DCHS2: variants seen among roughly 807,000 people sequenced by gnomAD.
DCHS2 encodes the protein dachsous cadherin-related 2.
In DCHS2, 142 loss-of-function variants were observed where a neutral mutation model predicts 182.4. The ratio of observed to expected loss-of-function variants is 0.78; its 90% CI spans 0.68 to 0.89. The LOEUF is 0.89. Among genes scored for constraint, DCHS2 ranks in the 40% least tolerant of loss-of-function variants. DCHS2 has a pLI of 0.00. For synonymous variants in DCHS2, 1,740 were observed against 1,663.3 expected (o/e 1.05, Z -1.12); for missense variants, 4,319 against 4,198.6 (o/e 1.03, Z -0.79).
intron 9 of DCHS2, among the ~76,000 whole-genome samples, chr4:154,318,455 T>C (rs1009474751): frequency 6.6e-6 from 1 of 151,918 alleles, no homozygotes; most frequent in Non-Finnish European, 1.5e-5. Flanking sequence ...GATTACATGA[T>C]CTTATATATA....
rs1057406931 is a variant in DCHS2 at position 154,329,663 on chromosome 4, G to A, written c.3778C>T (p.His1260Tyr). The A allele has an allele frequency of 6.2e-7, 1 of 1,612,066 alleles. No homozygotes were observed. The highest frequency in any genetic ancestry group is 1.3e-5 in the African/African-American group (1 of 74,840). ...TCTGTCACTAGCACAGTCATCTCAT[G>A]GTGCCCCCGGTGCTCACGATCCAGT... ...VALDREHRGHHEMTVLVTDRG... is the reference protein window; with the variant it reads ...VALDREHRGHYEMTVLVTDRG... Residue 1260 changes from histidine (H) to tyrosine (Y), a missense_variant, in exon 6 of 20, where the codon CAT (histidine) becomes TAT (tyrosine). By Grantham distance (83) the His-to-Tyr change is moderately conservative. Coordinates refer to ENST00000357232, the MANE Select transcript of DCHS2 (RefSeq NM_001358235.2).
intron 1 of DCHS2, among the ~76,000 whole-genome samples, chr4:154,417,676 T>G (rs576874159): frequency 6.6e-6 from 1 of 152,342 alleles, no homozygotes; most frequent in East Asian, 1.9e-4. Flanking sequence ...TTTTCTTTGC[T>G]AAACTGAACA....
At position 154,304,804 on chromosome 4, in the gene DCHS2, C is replaced by A; in HGVS notation, c.5470G>T (p.Asp1824Tyr). 2 of 1,613,742 alleles carry A rather than the reference C, an allele frequency of 1.2e-6. No homozygotes were observed. Among genetic ancestry groups the A allele is most frequent in the South Asian group, 1.1e-5 (1 of 91,010 alleles). ...GAAACAATAAACTCTGGTGCGTGAT[C>A]GTTTTCATCTTCAACAGTGCAGAGG... is the stretch of plus-strand genomic sequence containing the variant. ...TILCTVEDEN[D>Y]HAPEFIVSSY... The change falls in exon 12 of 20, where the codon GAT (aspartate) becomes TAT (tyrosine). Residue 1824 changes from aspartate (D) to tyrosine (Y), a missense_variant. Coordinates refer to ENST00000357232, the MANE Select transcript of DCHS2 (RefSeq NM_001358235.2).
At chr4:154,342,662 G>A (rs1353359777) in intron 3 of DCHS2, among the ~76,000 whole-genome samples, 3 of 152,148 alleles carry the variant, frequency 2.0e-5, no homozygotes, top group Non-Finnish European at 4.4e-5. Context: ...TCATGAGATT[G>A]CAGCAATTCT....
chr4:154,365,479 T>G (rs2110768585), intron 3 of DCHS2, among the ~76,000 whole-genome samples: 1 of 151,390 alleles, frequency 6.6e-6, no homozygotes, highest in East Asian at 1.9e-4. Context: ...ACTTTTTTGT[T>G]TTTTTTTTGG....
rs1331208067 is a variant in DCHS2 at position 154,421,082 on chromosome 4, A to T, written c.2053-43638T>A. Reference sequence around the variant, plus strand: ...ACACAATTCAGCAATTTTTGTTGACATAGATGCTATGATAGGTATTATCTA... The same window carrying T: ...ACACAATTCAGCAATTTTTGTTGACTTAGATGCTATGATAGGTATTATCTA... On this transcript the variant is annotated intron_variant, in intron 1 of 19. Transcript: ENST00000357232. Among the ~76,000 whole-genome samples, 3 of 152,326 alleles carry T rather than the reference A, an allele frequency of 2.0e-5. No individual in the cohort carries two copies. In the South Asian group the frequency reaches 6.2e-4, roughly 32 times the overall value.
intron 14 of DCHS2, among the ~76,000 whole-genome samples, chr4:154,268,236 C>CG (rs199558561): frequency 3.1e-5 from 4 of 130,282 alleles, no homozygotes; most frequent in African/African-American, 1.2e-4. Context: ...ACTTTCCCCC[C>CG]CCCAAAAAAA....
At chr4:154,405,127 G>C (rs1056831161) in intron 1 of DCHS2, among the ~76,000 whole-genome samples, 4 of 152,084 alleles carry the variant, frequency 2.6e-5, no homozygotes, top group African/African-American at 9.7e-5. Flanking sequence ...GCGGTCACCT[G>C]TAATCCCATC....
intron 12 of DCHS2, among the ~76,000 whole-genome samples, chr4:154,302,803 T>TATGAAATATATATATTTCATA (rs377026176): frequency 2.7e-4 from 21 of 76,672 alleles, no homozygotes; most frequent in African/African-American, 6.8e-4. Flanking sequence ...ATATATATAC[T>TATGAAATATATATATTTCATA]TATATATATT....
In DCHS2 at chr4:154,320,678, C is replaced by A. The variant is rs757472021; in HGVS notation, c.4721G>T (p.Arg1574Leu). 7 of 1,614,020 alleles carry A rather than the reference C, an allele frequency of 4.3e-6. No homozygotes were observed. Among genetic ancestry groups the A allele is most frequent in the Non-Finnish European group, 5.1e-6 (6 of 1,180,008 alleles). ...PSFGTLVTVS[R>L]LDRESIPTVI... ...AGTTGGAATGCTTTCTCTGTCAAGA[C>A]GGGACACAGTGACTAGTGTGCCAAA... Residue 1574 changes from arginine to leucine, a missense_variant, in exon 9 of 20, where the codon CGT becomes CTT. By Grantham distance (102) the Arg-to-Leu change is moderately radical (BLOSUM62 -2). Coordinates refer to ENST00000357232, the MANE Select transcript of DCHS2 (RefSeq NM_001358235.2).
chr4:154,418,709 T>C (rs1732973086), intron 1 of DCHS2, among the ~76,000 whole-genome samples: 1 of 152,194 alleles, frequency 6.6e-6, no homozygotes, highest in African/African-American at 2.4e-5. Flanking sequence ...ATGTCCTAGC[T>C]ATAATATAAA....
chr4:154,307,322 A>T (rs996044589), intron 10 of DCHS2, among the ~76,000 whole-genome samples: 4 of 152,180 alleles, frequency 2.6e-5, no homozygotes, highest in Non-Finnish European at 5.9e-5. Context: ...ATATTTAGTG[A>T]TATCCTTATG....
chr4:154,385,557 G>A lies in DCHS2; in HGVS notation c.2053-8113C>T, dbSNP rs147938868. Among the ~76,000 whole-genome samples the A allele has an allele frequency of 2.2e-3, 341 of 152,108 alleles. 3 individuals are homozygous for A. Among genetic ancestry groups the A allele is most frequent in the African/African-American group, 8.1e-3 (334 of 41,480 alleles). On this transcript the variant is annotated intron_variant, in intron 1 of 19. Coordinates refer to ENST00000357232, the MANE Select transcript of DCHS2 (RefSeq NM_001358235.2). ...GGCTGGAGTGCAGTAGCACAATCTCGGCTCACTGCAACCTCCGCCTCCTGG... is the reference window on the plus strand; with the variant it reads ...GGCTGGAGTGCAGTAGCACAATCTCAGCTCACTGCAACCTCCGCCTCCTGG...
rs184157019 is a variant in DCHS2, at chr4:154,327,145, T to C, written c.4018+948A>G. On this transcript the variant is annotated intron_variant, in intron 7 of 19. Coordinates refer to ENST00000357232, the MANE Select transcript of DCHS2 (RefSeq NM_001358235.2). ...AGAGACAGATCCTATCTGTGTTGTT[T>C]TGAAGTTTGTACAGTTTGAGAGGCA... is the stretch of plus-strand genomic sequence containing the variant. Among the ~76,000 whole-genome samples, 29 of 152,302 alleles carry C rather than the reference T, an allele frequency of 1.9e-4. 1 individual carries two copies. The East Asian group carries it at 5.6e-3, about 29-fold the overall frequency.
chr4:154,240,741 T>C lies in DCHS2; in HGVS notation c.7155A>G (p.Lys2385=). The change falls in exon 18 of 20, where the codon AAA becomes AAG. Residue 2385 remains lysine (K), a synonymous_variant. Coordinates refer to ENST00000357232, the MANE Select transcript of DCHS2 (RefSeq NM_001358235.2). The part of the protein sequence containing the change: ...LNSAFIFSFA[K]ESNPGTKFAI... ...CAAACTTGGTTCCAGGATTACTCTC[T>C]TTGGCAAAACTGAATATGAAAGCTG... The C allele has an allele frequency of 6.2e-7, 1 of 1,613,954 alleles. No homozygotes were observed. The highest frequency in any genetic ancestry group is 8.5e-7 in the Non-Finnish European group (1 of 1,179,908).
chr4:154,329,979 A>G (rs897322039), intron 5 of DCHS2, among the ~76,000 whole-genome samples: 2 of 152,240 alleles, frequency 1.3e-5, no homozygotes, highest in Non-Finnish European at 2.9e-5. Flanking sequence ...CATAAAAATG[A>G]TAAAACTCCG....
At chr4:154,417,200 TGTGTGA>T (rs1560745814) in intron 1 of DCHS2, among the ~76,000 whole-genome samples, 18 of 47,966 alleles carry the variant, frequency 3.8e-4, no homozygotes, top group East Asian at 1.5e-3. Context: ...TGTGTGTGTG[TGTGTGA>T]GAGAGAGAGA....
At chr4:154,271,527 G>C (rs901803869) in intron 13 of DCHS2, among the ~76,000 whole-genome samples, 11 of 152,178 alleles carry the variant, frequency 7.2e-5, no homozygotes, top group Non-Finnish European at 1.3e-4. Flanking sequence ...AAGATGCTGA[G>C]TGCCTTTAAG....
At position 154,255,611 on chromosome 4, in the gene DCHS2, A is replaced by G; in HGVS notation, c.6849T>C (p.Ser2283=). 1 of 1,614,108 alleles carries G rather than the reference A, an allele frequency of 6.2e-7. No individual in the cohort carries two copies. The highest frequency in any genetic ancestry group is 8.5e-7 in the Non-Finnish European group (1 of 1,179,990). Residue 2283 remains serine (S), a synonymous_variant, in exon 16 of 20, where the codon TCT becomes TCC. Coordinates refer to ENST00000357232, the MANE Select transcript of DCHS2 (RefSeq NM_001358235.2). ...LNGLIEYSIL[S]GNQEEAFQID... ...TCTGGAATGCTTCTTCTTGGTTGCCAGACAGAATAGAATACTCAATCAGGC... is the reference window on the plus strand; with the variant it reads ...TCTGGAATGCTTCTTCTTGGTTGCCGGACAGAATAGAATACTCAATCAGGC...
Sources: gnomAD v4.1 joint callset for allele counts (sites outside exome capture counted in the v4.1 genomes callset) on GRCh38, gnomAD v4.1.1 for gene constraint, MANE v1.5 for transcripts, NCBI Gene and HGNC (gene_info 2026-07-23, HGNC 2026-07-21) for gene names.